LHX8: variants seen among roughly 807,000 people sequenced by gnomAD.
LHX8 encodes the protein LIM/homeobox protein Lhx8.
A neutral mutation model predicts 40.3 loss-of-function variants in LHX8; 12 were observed. That is an observed-to-expected ratio of 0.30 (90% confidence interval 0.19 to 0.48). The LOEUF (loss-of-function observed/expected upper bound fraction) is 0.48, where lower values mean the gene tolerates loss of function less well. Among genes scored for constraint, LHX8 ranks in the 20% least tolerant of loss-of-function variants. The pLI is 0.99. For synonymous variants in LHX8, 179 were observed against 162.0 expected, an observed-to-expected ratio of 1.10 and a Z score of -0.80; for missense variants, 344 against 433.7, an observed-to-expected ratio of 0.79 and a Z score of 1.84.
chr1:75,160,872 CA>C lies in LHX8; in HGVS notation c.1020del (p.Gln340HisfsTer4). 1 of 1,612,402 alleles carries C rather than the reference CA, an allele frequency of 6.2e-7. No individual in the cohort carries two copies. The highest frequency in any genetic ancestry group is 8.5e-7 in the Non-Finnish European group (1 of 1,178,492). ...LQPLLPHSMTQLPISHT is the reference protein window; with the variant it reads ...LQPLLPHSMTXLPISHT Reference sequence around the variant, plus strand: ...GCCCTTGTTACCCCATTCAATGACACAACTGCCAATAAGTCATACCTAATTC... The same window carrying C: ...GCCCTTGTTACCCCATTCAATGACACACTGCCAATAAGTCATACCTAATTC... On this transcript the variant is annotated frameshift_variant, in exon 9 of 9. Coordinates refer to ENST00000356261, the MANE Select transcript of LHX8 (RefSeq NM_001256114.2). LOFTEE classifies it high-confidence loss of function.
At chr1:75,139,208 C>T (rs951084501) in intron 3 of LHX8, among the ~76,000 whole-genome samples, 3 of 152,116 alleles carry the variant, frequency 2.0e-5, no homozygotes, top group Non-Finnish European at 2.9e-5. Context: ...CTCTGTCCTT[C>T]GGGTAGTTTT....
chr1:75,155,075 G>A (rs1648718830), intron 7 of LHX8, among the ~76,000 whole-genome samples: 1 of 152,020 alleles, frequency 6.6e-6, no homozygotes, highest in South Asian at 2.1e-4. Flanking sequence ...GCCTTGAACA[G>A]ACTTATGCCC....
chr1:75,179,223 T>A, the LHX8 span, among the ~76,000 whole-genome samples: 1 of 152,226 alleles, frequency 6.6e-6, no homozygotes, highest in Non-Finnish European at 1.5e-5. Flanking sequence ...GTCCTGGTTA[T>A]CCTTGTTAAC....
intron 3 of LHX8, among the ~76,000 whole-genome samples, chr1:75,139,252 C>G (rs912325360): frequency 6.6e-6 from 1 of 152,110 alleles, no homozygotes; most frequent in Middle Eastern, 3.2e-3. Flanking sequence ...TTTAGACATA[C>G]ACAGATTAGA....
chr1:75,181,308 G>T, the LHX8 span, among the ~76,000 whole-genome samples: 1 of 152,212 alleles, frequency 6.6e-6, no homozygotes, highest in South Asian at 2.1e-4. Flanking sequence ...GCTATGCCCT[G>T]CCCCCAGAGG....
intron 7 of LHX8, among the ~76,000 whole-genome samples, chr1:75,150,972 G>T (rs1648591957): frequency 6.6e-6 from 1 of 152,094 alleles, no homozygotes; most frequent in Non-Finnish European, 1.5e-5. Flanking sequence ...ACCGTGCCTA[G>T]CCGGAAAATA....
chr1:75,156,796 T>C lies in LHX8; in HGVS notation c.781-97T>C, dbSNP rs963434282. The C allele has an allele frequency of 1.0e-5, 11 of 1,050,622 alleles. No homozygotes were observed. The African/African-American group carries it at 1.7e-4, about 16-fold the overall frequency. The allele number at this position is 1,050,622 out of a possible 1,614,324, so 65.1% of individuals were successfully genotyped here. A position where few individuals can be genotyped will look rare whatever the true frequency, so the allele number is the denominator to read the frequency against. ...CATTTATGCGGTGCTTGTGTGGTAG[T>C]GTGATTGAGGTTGCATTCATTTTTT... is the stretch of plus-strand genomic sequence containing the variant. On this transcript the variant is annotated intron_variant, in intron 7 of 8. Transcript: ENST00000356261.
At chr1:75,178,365 A>G in the LHX8 span, among the ~76,000 whole-genome samples, 1 of 152,048 alleles carries the variant, frequency 6.6e-6, no homozygotes, top group African/African-American at 2.4e-5. Context: ...TTATTGGTCT[A>G]TTCAATGATT....
chr1:75,159,061 G>A (rs543042596), intron 8 of LHX8, among the ~76,000 whole-genome samples: 4 of 152,130 alleles, frequency 2.6e-5, no homozygotes, highest in African/African-American at 9.6e-5. Flanking sequence ...CACATCTTCT[G>A]TTAAGTTTAT....
At chr1:75,195,515 T>C in the LHX8 span, among the ~76,000 whole-genome samples, 1 of 152,188 alleles carries the variant, frequency 6.6e-6, no homozygotes, top group African/African-American at 2.4e-5. Context: ...TCAGTCATTG[T>C]GTACTCCACA....
At chr1:75,196,965 T>C in the LHX8 span, among the ~76,000 whole-genome samples, 1 of 152,122 alleles carries the variant, frequency 6.6e-6, no homozygotes, top group Admixed American at 6.6e-5. Flanking sequence ...TCACACTTGA[T>C]AAAACCAGTT....
At chr1:75,146,296 T>A (rs917315591) in intron 6 of LHX8, among the ~76,000 whole-genome samples, 1 of 151,966 alleles carries the variant, frequency 6.6e-6, no homozygotes, top group African/African-American at 2.4e-5. Context: ...AATAAGAAAA[T>A]TTTCCAAAAT....
intron 1 of LHX8, 98 bp from the exon 2 acceptor site, chr1:75,136,505 C>A: frequency 1.1e-6 from 1 of 904,248 alleles, no homozygotes; most frequent in Non-Finnish European, 1.8e-6. Flanking sequence ...ACTCTGAGGG[C>A]CTTCATTAGC....
the LHX8 span, among the ~76,000 whole-genome samples, chr1:75,181,400 A>G: frequency 1.3e-5 from 2 of 151,914 alleles, no homozygotes; most frequent in Admixed American, 1.3e-4. Context: ...TTGTTTACTT[A>G]CTCAAGCCTC....
chr1:75,158,512 T>C (rs1184169020), intron 8 of LHX8, among the ~76,000 whole-genome samples: 1 of 152,176 alleles, frequency 6.6e-6, no homozygotes, highest in East Asian at 1.9e-4. Context: ...TCTAGAAACT[T>C]TGTTTTACCT....
chr1:75,190,121 ACT>A, the LHX8 span, among the ~76,000 whole-genome samples: 1 of 152,158 alleles, frequency 6.6e-6, no homozygotes, highest in Non-Finnish European at 1.5e-5. Flanking sequence ...ATAATGGCTA[ACT>A]CTGCCCTGGG....
Position 75,138,165 on chromosome 1 carries a change from C to T in LHX8, c.237+904C>T, listed in dbSNP as rs565240164. On this transcript the variant is annotated intron_variant, in intron 3 of 8. Coordinates refer to ENST00000356261, the MANE Select transcript of LHX8 (RefSeq NM_001256114.2). The stretch of plus-strand genomic sequence containing the variant: ...AGATCATGGTCCCATGTGTCTTAAT[C>T]AGAATATCATGGGGTTTCAACTTAA... 3.9e-5 allele frequency among the ~76,000 whole-genome samples: 6 copies of T among 152,294 alleles called. No homozygotes were observed. In the South Asian group the frequency reaches 1.2e-3, roughly 32 times the overall value.
the LHX8 span, among the ~76,000 whole-genome samples, chr1:75,184,796 C>G: frequency 6.9e-6 from 1 of 144,984 alleles, no homozygotes; most frequent in African/African-American, 2.5e-5. Flanking sequence ...AAAGACCATT[C>G]AAAAGATGAA....
intron 1 of LHX8, among the ~76,000 whole-genome samples, chr1:75,135,521 G>T (rs998415574): frequency 2.0e-5 from 3 of 152,218 alleles, no homozygotes; most frequent in African/African-American, 7.2e-5. Flanking sequence ...GAGGCCCCCA[G>T]GTTGGTATCT....
Sources: gnomAD v4.1 joint callset for allele counts (sites outside exome capture counted in the v4.1 genomes callset) on GRCh38, gnomAD v4.1.1 for gene constraint, MANE v1.5 for transcripts, NCBI Gene and HGNC (gene_info 2026-07-23, HGNC 2026-07-21) for gene names.